SORD: variants seen among roughly 807,000 people sequenced by gnomAD.
SORD encodes the protein (R,R)-butanediol dehydrogenase.
Under a neutral mutation model 35.6 loss-of-function variants are expected in SORD, and 18 were observed. The ratio of observed to expected loss-of-function variants is 0.51; its 90% CI spans 0.35 to 0.75. SORD has a LOEUF of 0.75. Ranked by LOEUF, SORD falls within the 30% of genes least tolerant of loss-of-function variation. The pLI is 0.01. For synonymous variants in SORD, 106 were observed against 152.9 expected (o/e 0.69, Z 2.26); for missense variants, 250 against 390.2 (o/e 0.64, Z 3.03).
chr15:45,028,389 AT>A (rs1274568881), intron 1 of SORD, among the ~76,000 whole-genome samples: 8 of 152,360 alleles, frequency 5.3e-5, no homozygotes, highest in African/African-American at 4.8e-5. Flanking sequence ...ATTTCTGTAC[AT>A]TGCATTACAA....
At chr15:45,045,372 A>C (rs922124033) in intron 3 of SORD, among the ~76,000 whole-genome samples, 2 of 151,802 alleles carry the variant, frequency 1.3e-5, no homozygotes, top group Admixed American at 1.3e-4. Context: ...ACTCTGTCTA[A>C]AAATAGAAAA....
At chr15:45,023,854 G>T (rs892188156) in intron 1 of SORD, among the ~76,000 whole-genome samples, 1 of 152,138 alleles carries the variant, frequency 6.6e-6, no homozygotes, top group Non-Finnish European at 1.5e-5. Flanking sequence ...CACTTAGTAC[G>T]TGCTCAGGAA....
rs1892998153 is a variant in SORD at position 45,043,353 on chromosome 15, TG to T, written c.199del (p.Val67CysfsTer17). Reference sequence around the variant, plus strand: ...GGGAATTTTATTGTGAAAAAGCCCATGGTGCTGGGACATGAAGCTTCGGGAA... The same window carrying T: ...GGGAATTTTATTGTGAAAAAGCCCATGTGCTGGGACATGAAGCTTCGGGAA... ...RIGNFIVKKPMVLGHEASGTV... is the reference protein window; with the variant it reads ...RIGNFIVKKPXVLGHEASGTV... On this transcript the variant is annotated frameshift_variant, in exon 3 of 9. Transcript: ENST00000267814. LOFTEE classifies it high-confidence loss of function. 1.4e-6 allele frequency: 1 copy of T among 738,474 alleles called. No individual in the cohort carries two copies. The highest frequency in any genetic ancestry group is 2.5e-5 in the East Asian group (1 of 40,304). 45.7% of individuals were successfully genotyped at this position (738,474 alleles called of 1,614,324 possible).
intron 4 of SORD, among the ~76,000 whole-genome samples, chr15:45,062,257 G>A (rs1197438206): frequency 2.0e-5 from 3 of 152,354 alleles, no homozygotes; most frequent in South Asian, 2.1e-4. Context: ...TCAAACTGGG[G>A]TCTCTGTGAG....
chr15:45,035,892 G>A (rs1444408736), intron 1 of SORD, among the ~76,000 whole-genome samples: 11 of 151,640 alleles, frequency 7.3e-5, no homozygotes, highest in Non-Finnish European at 1.5e-4. Flanking sequence ...CCACCAGAAG[G>A]AAGAAACTCC....
chr15:45,056,451 G>A (rs1448011335), intron 3 of SORD, among the ~76,000 whole-genome samples: 1 of 152,146 alleles, frequency 6.6e-6, no homozygotes, highest in Non-Finnish European at 1.5e-5. Flanking sequence ...ACCTCTTCAA[G>A]GAGAACTACA....
At chr15:45,027,660 C>T (rs747910727) in intron 1 of SORD, among the ~76,000 whole-genome samples, 1 of 152,282 alleles carries the variant, frequency 6.6e-6, no homozygotes, top group East Asian at 1.9e-4. Flanking sequence ...TTGCTTTCCA[C>T]TGTATTTACC....
intron 2 of SORD, among the ~76,000 whole-genome samples, chr15:45,041,060 T>A (rs1892957894): frequency 6.6e-6 from 1 of 152,186 alleles, no homozygotes; most frequent in Non-Finnish European, 1.5e-5. Context: ...CTCCACTCCT[T>A]CTAGGCCTCT....
chr15:45,026,495 C>T (rs1892670518), intron 1 of SORD, among the ~76,000 whole-genome samples: 1 of 152,150 alleles, frequency 6.6e-6, no homozygotes, highest in South Asian at 2.1e-4. Context: ...AGATTAAAAA[C>T]CCTTCCATTT....
chr15:45,061,293 C>T lies in SORD; in HGVS notation c.425+67C>T, dbSNP rs555279207. Reference sequence around the variant, plus strand: ...CCCTTCATTAGCTTGGTGCTGTTTCCTGTGGTTATTTCTTTATTCTTTTCA... The same window carrying T: ...CCCTTCATTAGCTTGGTGCTGTTTCTTGTGGTTATTTCTTTATTCTTTTCA... On this transcript the variant is annotated intron_variant, in intron 4 of 8. Coordinates refer to ENST00000267814, the MANE Select transcript of SORD (RefSeq NM_003104.6). 5.7e-5 allele frequency: 87 copies of T among 1,535,664 alleles called. No homozygotes were observed. The South Asian group carries it at 9.4e-4, about 17-fold the overall frequency.
chr15:45,042,234 G>A (rs1188112916), intron 2 of SORD: 2 of 152,242 alleles, frequency 1.3e-5, no homozygotes, highest in Non-Finnish European at 2.9e-5. Flanking sequence ...GCTTAGGCCT[G>A]TAATCCCAGC....
intron 1 of SORD, among the ~76,000 whole-genome samples, chr15:45,028,020 G>A (rs542223838): frequency 2.6e-5 from 4 of 152,228 alleles, no homozygotes; most frequent in Non-Finnish European, 5.9e-5. Flanking sequence ...TTTGAATGCT[G>A]TGTCACGTCA....
At chr15:45,038,571 G>A (rs369501458) in intron 1 of SORD, among the ~76,000 whole-genome samples, 8 of 152,152 alleles carry the variant, frequency 5.3e-5, no homozygotes, top group African/African-American at 1.2e-4. Flanking sequence ...ACCTTCCTTG[G>A]AAACACTAGT....
At chr15:45,026,860 G>C (rs191050623) in intron 1 of SORD, among the ~76,000 whole-genome samples, 166 of 134,736 alleles carry the variant, frequency 1.2e-3, no homozygotes, top group African/African-American at 6.1e-3. Flanking sequence ...GTGGTTCTGT[G>C]GGGGAATGCG....
chr15:45,054,143 C>G (rs1380496680), intron 3 of SORD, among the ~76,000 whole-genome samples: 1 of 152,134 alleles, frequency 6.6e-6, no homozygotes, highest in East Asian at 1.9e-4. Flanking sequence ...GATTTATAGT[C>G]TTTTGGGTAT....
At chr15:45,055,007 C>G (rs1458386881) in intron 3 of SORD, among the ~76,000 whole-genome samples, 2 of 152,144 alleles carry the variant, frequency 1.3e-5, no homozygotes, top group Non-Finnish European at 2.9e-5. Context: ...TGATCTCTAT[C>G]TCTGTTTTGG....
In SORD at chr15:45,024,913, A is replaced by G. The variant is rs1233893208; in HGVS notation, c.66+1564A>G. ...CACAGGGAGGGGCCCTTGGCCCTCT[A>G]TCTGCTCAGAGCCTGCTTAAAAGTC... On this transcript the variant is annotated intron_variant, in intron 1 of 8. Coordinates refer to ENST00000267814, the MANE Select transcript of SORD (RefSeq NM_003104.6). Among the ~76,000 whole-genome samples, 10 of 152,378 alleles carry G rather than the reference A, an allele frequency of 6.6e-5. No individual in the cohort carries two copies. In the South Asian group the frequency reaches 1.4e-3, roughly 22 times the overall value.
intron 3 of SORD, among the ~76,000 whole-genome samples, chr15:45,045,324 G>C (rs532489619): frequency 1.8e-4 from 27 of 152,224 alleles, no homozygotes; most frequent in Admixed American, 4.6e-4. Context: ...GGTCACTTGA[G>C]GTCAGGGGTT....
At chr15:45,061,513 G>A (rs1423320954) in intron 4 of SORD, among the ~76,000 whole-genome samples, 1 of 152,068 alleles carries the variant, frequency 6.6e-6, no homozygotes, top group Non-Finnish European at 1.5e-5. Context: ...ATCCTGGAGG[G>A]AATTCCTGTG....
Sources: allele counts gnomAD v4.1 joint callset (sites outside exome capture counted in the v4.1 genomes callset), GRCh38; gene constraint gnomAD v4.1.1; transcripts MANE v1.5; gene names NCBI Gene and HGNC (gene_info 2026-07-23, HGNC 2026-07-21).